Variants in PRKG1 observed in about 807,000 individuals in gnomAD.
PRKG1 encodes cGMP-dependent protein kinase 1.
Under a neutral mutation model 88.1 loss-of-function variants are expected in PRKG1, and 35 were observed. That is an observed-to-expected ratio of 0.40 (90% CI 0.30 to 0.53). The LOEUF (loss-of-function observed/expected upper bound fraction) is 0.53, where lower values mean the gene tolerates loss of function less well. Ranked by LOEUF, PRKG1 falls within the 20% of genes least tolerant of loss-of-function variation. PRKG1 has a pLI of 0.59. For missense variants in PRKG1, 540 were observed against 839.8 expected (o/e 0.64, Z 4.41); for synonymous variants, 303 against 292.5 (o/e 1.04, Z -0.37).
At chr10:51,494,678 T>C (rs1840803450) in intron 3 of PRKG1, among the ~76,000 whole-genome samples, 1 of 152,252 alleles carries the variant, frequency 6.6e-6, no homozygotes, top group African/African-American at 2.4e-5. Context: ...TTGCATGATT[T>C]AGTTCTAGTC....
At chr10:52,119,475 A>G (rs1250979127) in intron 7 of PRKG1, among the ~76,000 whole-genome samples, 1 of 152,208 alleles carries the variant, frequency 6.6e-6, no homozygotes, top group Non-Finnish European at 1.5e-5. Context: ...AATCCTTTGA[A>G]ATATGTGACC....
intron 7 of PRKG1, among the ~76,000 whole-genome samples, chr10:52,089,062 T>G (rs375874853): frequency 6.6e-6 from 1 of 152,166 alleles, no homozygotes; most frequent in South Asian, 2.1e-4. Flanking sequence ...AATATCAAGT[T>G]TTTTTGGTCT....
intron 7 of PRKG1, among the ~76,000 whole-genome samples, chr10:52,101,375 C>T (rs192671561): frequency 6.6e-6 from 1 of 152,146 alleles, no homozygotes; most frequent in African/African-American, 2.4e-5. Flanking sequence ...TTTGTGAGCC[C>T]TATTTAGTCC....
intron 5 of PRKG1, among the ~76,000 whole-genome samples, chr10:51,991,069 C>A (rs369495021): frequency 6.6e-6 from 1 of 152,096 alleles, no homozygotes; most frequent in Non-Finnish European, 1.5e-5. Context: ...TGGTTAAATT[C>A]ATTTCTAAGT....
intron 3 of PRKG1, among the ~76,000 whole-genome samples, chr10:51,665,043 A>G (rs1278468940): frequency 6.6e-6 from 1 of 152,170 alleles, no homozygotes; most frequent in Non-Finnish European, 1.5e-5. Flanking sequence ...ACGTTCTGCT[A>G]TTCAAGTCTG....
At chr10:51,763,550 G>T (rs1838078173) in intron 3 of PRKG1, among the ~76,000 whole-genome samples, 1 of 147,624 alleles carries the variant, frequency 6.8e-6, no homozygotes, top group Non-Finnish European at 1.5e-5. Flanking sequence ...ACCACACCCA[G>T]CCACATTATA....
At chr10:51,784,710 A>G (rs1464950256) in intron 3 of PRKG1, among the ~76,000 whole-genome samples, 1 of 152,136 alleles carries the variant, frequency 6.6e-6, no homozygotes, top group Non-Finnish European at 1.5e-5. Flanking sequence ...CTACAATATG[A>G]TTACAGTATT....
At chr10:51,080,206 A>C (rs1844071094) in intron 1 of PRKG1, among the ~76,000 whole-genome samples, 1 of 152,208 alleles carries the variant, frequency 6.6e-6, no homozygotes, top group East Asian at 1.9e-4. Context: ...TTTGAAGCAC[A>C]GTCAAGTTGC....
chr10:52,075,284 C>T (rs568899227), intron 7 of PRKG1, among the ~76,000 whole-genome samples: 10 of 152,134 alleles, frequency 6.6e-5, no homozygotes, highest in Non-Finnish European at 1.0e-4. Flanking sequence ...GAAGATATTA[C>T]GTTCATACGT....
chr10:51,892,382 T>G (rs1841743109), intron 4 of PRKG1, among the ~76,000 whole-genome samples: 1 of 152,150 alleles, frequency 6.6e-6, no homozygotes, highest in African/African-American at 2.4e-5. Flanking sequence ...TTTTGAATAT[T>G]GTGGTTTTCA....
chr10:51,972,930 C>T (rs1031808347), intron 5 of PRKG1, among the ~76,000 whole-genome samples: 3 of 152,060 alleles, frequency 2.0e-5, no homozygotes, highest in African/African-American at 4.8e-5. Context: ...TCACTGAACA[C>T]GAAGCCTCCC....
intron 2 of PRKG1, among the ~76,000 whole-genome samples, chr10:51,434,704 A>G (rs759191021): frequency 2.6e-5 from 4 of 152,096 alleles, no homozygotes; most frequent in Non-Finnish European, 5.9e-5. Context: ...TCTGATTTTT[A>G]GGAATTATGG....
intron 7 of PRKG1, among the ~76,000 whole-genome samples, chr10:52,112,088 C>T (rs1217744975): frequency 1.3e-5 from 2 of 152,132 alleles, no homozygotes; most frequent in Non-Finnish European, 2.9e-5. Context: ...CAACACACGC[C>T]ATCATTCAGG....
intron 7 of PRKG1, among the ~76,000 whole-genome samples, chr10:52,073,268 A>G (rs1453218289): frequency 6.6e-6 from 1 of 152,176 alleles, no homozygotes; most frequent in African/African-American, 2.4e-5. Flanking sequence ...TCATATCTGG[A>G]AGACCTTATT....
At chr10:51,825,424 C>T (rs1229518819) in intron 4 of PRKG1, among the ~76,000 whole-genome samples, 5 of 152,190 alleles carry the variant, frequency 3.3e-5, no homozygotes, top group African/African-American at 7.2e-5. Context: ...GGAAAAAGTA[C>T]AGTAGGTGTT....
At chr10:51,234,164 A>G (rs1304015145) in intron 2 of PRKG1, among the ~76,000 whole-genome samples, 1 of 152,124 alleles carries the variant, frequency 6.6e-6, no homozygotes, top group African/African-American at 2.4e-5. Flanking sequence ...TGAATTCATC[A>G]AAGGTTTTCA....
intron 3 of PRKG1, among the ~76,000 whole-genome samples, chr10:51,581,754 G>A (rs555855455): frequency 6.6e-6 from 1 of 150,926 alleles, no homozygotes; most frequent in African/African-American, 2.4e-5. Flanking sequence ...AGTTTCAGGG[G>A]GTCTCCCTAC....
At chr10:52,008,602 T>A (rs1844800703) in intron 5 of PRKG1, among the ~76,000 whole-genome samples, 2 of 152,098 alleles carry the variant, frequency 1.3e-5, no homozygotes, top group Non-Finnish European at 2.9e-5. Context: ...AACAGACTAA[T>A]AACAAGTTCC....
intron 5 of PRKG1, among the ~76,000 whole-genome samples, chr10:52,053,024 A>C (rs879853396): frequency 1.3e-5 from 2 of 152,188 alleles, no homozygotes; most frequent in African/African-American, 2.4e-5. Context: ...TTAGTGCAGC[A>C]TAGATATCTT....
Sources: allele counts gnomAD v4.1 joint callset (sites outside exome capture counted in the v4.1 genomes callset), GRCh38; gene constraint gnomAD v4.1.1; transcripts MANE v1.5; gene names NCBI Gene and HGNC (gene_info 2026-07-23, HGNC 2026-07-21).